The following SLC25A26 variants were observed in gnomAD, a reference collection of about 807,000 sequenced individuals.
The protein encoded by SLC25A26 is mitochondrial S-adenosylmethionine carrier protein.
A neutral mutation model predicts 37.8 loss-of-function variants in SLC25A26; 36 were observed. The observed-to-expected ratio is 0.95, with a 90% CI of 0.73 to 1.26. The LOEUF (loss-of-function observed/expected upper bound fraction) is 1.26, where lower values mean the gene tolerates loss of function less well. Among genes scored for constraint, SLC25A26 ranks in the 50% most tolerant of loss-of-function variants. The pLI, the probability that SLC25A26 is intolerant of heterozygous loss-of-function variation, is 0.00. For synonymous variants in SLC25A26, 129 were observed against 122.5 expected, an observed-to-expected ratio of 1.05 and a Z score of -0.35; for missense variants, 390 against 331.1, an observed-to-expected ratio of 1.18 and a Z score of -1.38.
At chr3:66,222,025 G>C (rs1208704659) in intron 1 of SLC25A26, among the ~76,000 whole-genome samples, 1 of 152,016 alleles carries the variant, frequency 6.6e-6, no homozygotes, top group Non-Finnish European at 1.5e-5. Flanking sequence ...TAAAATGACT[G>C]TTGGGATAAA....
At chr3:66,175,685 A>G (rs1278206099) in intron 1 of SLC25A26, among the ~76,000 whole-genome samples, 2 of 152,224 alleles carry the variant, frequency 1.3e-5, no homozygotes, top group Non-Finnish European at 2.9e-5. Flanking sequence ...TGACATTTTC[A>G]CTGAAGTCCA....
intron 1 of SLC25A26, among the ~76,000 whole-genome samples, chr3:66,213,189 C>G (rs2071309313): frequency 6.6e-6 from 1 of 151,978 alleles, no homozygotes; most frequent in Non-Finnish European, 1.5e-5. Context: ...CACCTGAGGT[C>G]AGGAGTTCAA....
At chr3:66,178,348 C>T (rs972120578) in intron 1 of SLC25A26, among the ~76,000 whole-genome samples, 5 of 152,088 alleles carry the variant, frequency 3.3e-5, no homozygotes, top group African/African-American at 1.2e-4. Context: ...AAGTCAGTGC[C>T]CTGAGGCCAT....
intron 1 of SLC25A26, among the ~76,000 whole-genome samples, chr3:66,182,434 CT>C (rs201708377): frequency 0.014 from 2,105 of 152,164 alleles, 50 homozygotes; most frequent in African/African-American, 0.047. Flanking sequence ...GAGGCGGCCT[CT>C]GAATTGTGAG....
chr3:66,182,576 T>C (rs927176480), intron 1 of SLC25A26, among the ~76,000 whole-genome samples: 1 of 152,084 alleles, frequency 6.6e-6, no homozygotes, highest in Non-Finnish European at 1.5e-5. Context: ...CTTGAAAGGT[T>C]CCCATAGAGT....
intron 7 of SLC25A26, among the ~76,000 whole-genome samples, chr3:66,363,465 TTAAAGC>T (rs1486266960): frequency 3.2e-4 from 49 of 152,232 alleles, no homozygotes; most frequent in Admixed American, 1.2e-3. Context: ...TTTCGAGACA[TTAAAGC>T]AAGAGCGAGG....
At chr3:66,315,789 G>C (rs893788118) in intron 5 of SLC25A26, among the ~76,000 whole-genome samples, 1 of 152,132 alleles carries the variant, frequency 6.6e-6, no homozygotes, top group Non-Finnish European at 1.5e-5. Context: ...TATGAATCTA[G>C]GTGCTCCTGT....
At chr3:66,183,279 T>G (rs1226726676) in intron 1 of SLC25A26, among the ~76,000 whole-genome samples, 1 of 151,940 alleles carries the variant, frequency 6.6e-6, no homozygotes, top group Non-Finnish European at 1.5e-5. Context: ...GACCTTGTCC[T>G]TCATCCTGTT....
At chr3:66,304,582 A>G (rs1406916660) in intron 5 of SLC25A26, 2 of 429,782 alleles carry the variant, frequency 4.7e-6, no homozygotes, top group Non-Finnish European at 9.3e-6. Flanking sequence ...GCTAACTGGG[A>G]TATACGCTAC....
chr3:66,209,898 T>TTATATTTA (rs2071257057), intron 1 of SLC25A26, among the ~76,000 whole-genome samples: 35 of 38,620 alleles, frequency 9.1e-4, no homozygotes, highest in Non-Finnish European at 1.6e-3. Context: ...CTCTCTCTAT[T>TTATATTTA]TATATATATA....
rs181967601 is a variant in SLC25A26 at position 66,258,632 on chromosome 3, A to G, written c.301-3419A>G. Among the ~76,000 whole-genome samples the G allele has an allele frequency of 3.9e-5, 6 of 152,336 alleles. No individual in the cohort carries two copies. In the East Asian group the frequency reaches 7.7e-4, roughly 20 times the overall value. On this transcript the variant is annotated intron_variant, in intron 3 of 9. Coordinates refer to ENST00000354883, the MANE Select transcript of SLC25A26 (RefSeq NM_001379210.1). ...AAAAAAGGTGAAAACATCTGCTGGG[A>G]TGAATTTTAATAACATATTTTATTA...
chr3:66,284,204 CT>C (rs2074434956), intron 5 of SLC25A26, among the ~76,000 whole-genome samples: 5 of 152,058 alleles, frequency 3.3e-5, no homozygotes, highest in Admixed American at 3.3e-4. Flanking sequence ...TAAAAAATTG[CT>C]GCCTGTGGTG....
At position 66,139,013 on chromosome 3, in the gene SLC25A26, A is replaced by G. The variant is rs542698059; in HGVS notation, c.-354+5029A>G. 8.5e-5 allele frequency among the ~76,000 whole-genome samples: 13 copies of G among 152,098 alleles called. No homozygotes were observed. In the South Asian group the frequency reaches 2.5e-3, roughly 29 times the overall value. On this transcript the variant is annotated intron_variant, in intron 1 of 10. Coordinates refer to the SLC25A26 transcript ENST00000676754. Reference sequence around the variant, plus strand: ...ACTTATTCAGTTGAAACGAATTCAAATTGCTGCCCCACCCCTCCTGTCCTC... The same window carrying G: ...ACTTATTCAGTTGAAACGAATTCAAGTTGCTGCCCCACCCCTCCTGTCCTC...
chr3:66,212,196 G>C (rs926475773), intron 1 of SLC25A26, among the ~76,000 whole-genome samples: 35 of 152,186 alleles, frequency 2.3e-4, no homozygotes, highest in African/African-American at 8.4e-4. Flanking sequence ...ACCGCAGCCT[G>C]AAACTCCTGG....
At chr3:66,224,481 G>T (rs2071645897) in intron 1 of SLC25A26, among the ~76,000 whole-genome samples, 1 of 152,160 alleles carries the variant, frequency 6.6e-6, no homozygotes, top group Admixed American at 6.5e-5. Context: ...GCAAGGGAAA[G>T]ACCTGCCCCC....
At chr3:66,330,420 G>T (rs2075945260) in intron 5 of SLC25A26, among the ~76,000 whole-genome samples, 1 of 152,088 alleles carries the variant, frequency 6.6e-6, no homozygotes, top group African/African-American at 2.4e-5. Flanking sequence ...TGTTGTATAT[G>T]TTATATATAT....
rs984372477 is a variant in SLC25A26 at position 66,202,734 on chromosome 3, A to G, written c.-353-18008A>G. Among the ~76,000 whole-genome samples, 1,110 of 152,238 alleles carry G rather than the reference A, an allele frequency of 7.3e-3. 18 individuals carry two copies. The highest frequency in any genetic ancestry group is 0.026 in the African/African-American group (1,068 of 41,548). ...GCAGCTCTAAGAACTCCCATTTTAA[A>G]AAAAACATTTTAAAATGAAAAAAGA... is the stretch of plus-strand genomic sequence containing the variant. On this transcript the variant is annotated intron_variant, in intron 1 of 10. Coordinates refer to the SLC25A26 transcript ENST00000676754.
At chr3:66,319,935 C>CG (rs1280738436) in intron 5 of SLC25A26, among the ~76,000 whole-genome samples, 1 of 151,544 alleles carries the variant, frequency 6.6e-6, no homozygotes, top group East Asian at 1.9e-4. Context: ...TTAGTAGAGA[C>CG]GGAGTTTCTC....
Position 66,369,336 on chromosome 3 carries a change from A to T in SLC25A26, c.569-142A>T, listed in dbSNP as rs17044375. 28,881 of 670,864 alleles carry T rather than the reference A, an allele frequency of 0.043. 812 individuals are homozygous for T. The highest frequency in any genetic ancestry group is 0.064 in the Middle Eastern group (243 of 3,772). The allele number at this position is 670,864 out of a possible 1,614,324, so 41.6% of individuals were successfully genotyped here. A position where few individuals can be genotyped will look rare whatever the true frequency, so the allele number is the denominator to read the frequency against. ...AAAGAAATGAAGCGTGTGGATAAAGATTGTGCATGTGTGCATCCTGTTCTT... is the reference window on the plus strand; with the variant it reads ...AAAGAAATGAAGCGTGTGGATAAAGTTTGTGCATGTGTGCATCCTGTTCTT... On this transcript the variant is annotated intron_variant, in intron 7 of 9. Transcript: ENST00000354883.
Sources: gnomAD v4.1 joint callset for allele counts (sites outside exome capture counted in the v4.1 genomes callset) on GRCh38, gnomAD v4.1.1 for gene constraint, MANE v1.5 for transcripts, NCBI Gene and HGNC (gene_info 2026-07-23, HGNC 2026-07-21) for gene names.